Variants in BTBD10 observed in about 807,000 individuals in gnomAD.
BTBD10 encodes the protein BTB domain containing 10.
BTBD10 carries 21 observed loss-of-function variants against 53.2 expected under a neutral mutation model. That is an observed-to-expected ratio of 0.39 (90% confidence interval 0.28 to 0.57). BTBD10 has a LOEUF of 0.57. BTBD10 is among the 20% of genes least tolerant of loss of function. The pLI is 0.53. For synonymous variants in BTBD10, 149 were observed against 192.7 expected (o/e 0.77, Z 1.88); for missense variants, 360 against 594.7 (o/e 0.61, Z 4.10).
chr11:13,412,969 CCAAT>C (rs1157598753), intron 6 of BTBD10, among the ~76,000 whole-genome samples: 4 of 152,076 alleles, frequency 2.6e-5, no homozygotes, highest in Non-Finnish European at 4.4e-5. Context: ...GAGAAGAATA[CCAAT>C]CAAAGAGTTG....
intron 6 of BTBD10, 21 bp from the exon 7 acceptor site, chr11:13,405,877 A>G (rs767205028): frequency 1.9e-6 from 3 of 1,607,956 alleles, no homozygotes; most frequent in South Asian, 1.1e-5. Context: ...ATCCACAAAA[A>G]TATCTTACCA....
At chr11:13,445,782 C>T (rs570329008) in intron 1 of BTBD10, among the ~76,000 whole-genome samples, 1 of 152,270 alleles carries the variant, frequency 6.6e-6, no homozygotes, top group Non-Finnish European at 1.5e-5. Context: ...TGCCTTTTCA[C>T]ATGTGAGGCT....
chr11:13,390,502 C>A (rs1010942838), intron 8 of BTBD10, among the ~76,000 whole-genome samples: 10 of 152,068 alleles, frequency 6.6e-5, no homozygotes, highest in Non-Finnish European at 1.5e-4. Context: ...TGCCACCACA[C>A]CTGGCTAATT....
intron 8 of BTBD10, among the ~76,000 whole-genome samples, chr11:13,396,586 T>G (rs1057061436): frequency 6.6e-6 from 1 of 152,094 alleles, no homozygotes; most frequent in Non-Finnish European, 1.5e-5. Context: ...TGGTGAATAG[T>G]TGTGGTGAGA....
intron 2 of BTBD10, among the ~76,000 whole-genome samples, chr11:13,436,185 C>A (rs955105080): frequency 2.0e-5 from 3 of 152,202 alleles, no homozygotes; most frequent in Non-Finnish European, 4.4e-5. Flanking sequence ...TTAAAAGTTT[C>A]ATTCTAGCCT....
intron 4 of BTBD10, among the ~76,000 whole-genome samples, chr11:13,418,337 A>C (rs533635875): frequency 2.4e-4 from 37 of 152,264 alleles, no homozygotes; most frequent in Non-Finnish European, 5.0e-4. Flanking sequence ...GTCATCATTT[A>C]AACTTTTTAC....
Position 13,405,753 on chromosome 11 carries a change from C to A in BTBD10, c.912G>T (p.Gly304=), listed in dbSNP as rs200389754. 407 of 1,613,782 alleles carry A rather than the reference C, an allele frequency of 2.5e-4. 3 individuals are homozygous for A. The East Asian group carries it at 6.5e-3, about 26-fold the overall frequency. The stretch of plus-strand genomic sequence containing the variant: ...GCACCACTATATGACATTCCCGTTC[C>A]CCACTCTGGGCACTAGCTACCATGA... ...LPLMVASAQS[G]ERECHIVVLT... is the part of the protein sequence containing the mutation. The change falls in exon 7 of 9, where the codon GGG becomes GGT. Residue 304 remains glycine (G), a synonymous_variant. Coordinates refer to ENST00000278174, the MANE Select transcript of BTBD10 (RefSeq NM_032320.7).
chr11:13,461,949 T>TA (rs1555035367), intron 1 of BTBD10, among the ~76,000 whole-genome samples: 153 of 151,016 alleles, frequency 1.0e-3, no homozygotes, highest in African/African-American at 3.4e-3. Flanking sequence ...TTTTTTTTTT[T>TA]ACCAGTCTTG....
chr11:13,403,169 T>C lies in BTBD10; in HGVS notation c.1116A>G (p.Glu372=). ...TAGAAAATAATGAAAATGTCTTACC[T>C]TCTATTCCCAATCTAATCTTCTTAA... ...RGLKKIRLGI[E]GYPTYKEKVK... is the part of the protein sequence containing the mutation. Residue 372 remains glutamate (E), a splice_region_variant and synonymous_variant, in exon 8 of 9, where the codon GAA becomes GAG. Coordinates refer to ENST00000278174, the MANE Select transcript of BTBD10 (RefSeq NM_032320.7). 1 of 1,484,422 alleles carries C rather than the reference T, an allele frequency of 6.7e-7. No individual in the cohort carries two copies. The highest frequency in any genetic ancestry group is 9.1e-7 in the Non-Finnish European group (1 of 1,101,068). 92.0% of individuals were successfully genotyped at this position (1,484,422 alleles called of 1,614,324 possible).
chr11:13,399,567 C>T lies in BTBD10; in HGVS notation c.1117+3601G>A, dbSNP rs1591095585. 2.6e-5 allele frequency among the ~76,000 whole-genome samples: 4 copies of T among 152,208 alleles called. 1 individual carries two copies. The South Asian group carries it at 8.3e-4, about 32-fold the overall frequency. ...CAACTCGTCAAAGTCATTCTCCATT[C>T]AGCTTTGTTCCGTTGCTGGTGAGGA... is the stretch of plus-strand genomic sequence containing the variant. On this transcript the variant is annotated intron_variant, in intron 8 of 8. Coordinates refer to ENST00000278174, the MANE Select transcript of BTBD10 (RefSeq NM_032320.7).
At chr11:13,416,658 T>A (rs977352469) in intron 5 of BTBD10, among the ~76,000 whole-genome samples, 2 of 152,144 alleles carry the variant, frequency 1.3e-5, no homozygotes, top group African/African-American at 4.8e-5. Context: ...CATTTGCTTA[T>A]ATTGTATTAT....
At chr11:13,429,200 T>C (rs1017605241) in intron 2 of BTBD10, among the ~76,000 whole-genome samples, 10 of 152,250 alleles carry the variant, frequency 6.6e-5, no homozygotes, top group Admixed American at 5.9e-4. Context: ...CTACCGTCTT[T>C]ACAAGTCAAT....
chr11:13,414,666 A>G (rs1242017292), intron 5 of BTBD10, among the ~76,000 whole-genome samples: 2 of 150,410 alleles, frequency 1.3e-5, no homozygotes, highest in East Asian at 3.9e-4. Flanking sequence ...AATAAAAATA[A>G]TAAAAAAAAA....
At chr11:13,431,730 A>G (rs1343456590) in intron 2 of BTBD10, among the ~76,000 whole-genome samples, 3 of 152,124 alleles carry the variant, frequency 2.0e-5, no homozygotes, top group African/African-American at 7.2e-5. Context: ...CAAACTTTAG[A>G]ATGCAAATCT....
At chr11:13,405,050 G>C (rs1949789188) in intron 7 of BTBD10, among the ~76,000 whole-genome samples, 2 of 151,734 alleles carry the variant, frequency 1.3e-5, no homozygotes, top group African/African-American at 4.8e-5. Context: ...CTAATATTGG[G>C]CTCATCAAGA....
At chr11:13,389,969 C>T (rs1949364545) in intron 8 of BTBD10, among the ~76,000 whole-genome samples, 1 of 152,140 alleles carries the variant, frequency 6.6e-6, no homozygotes. Flanking sequence ...CTACTCCCAA[C>T]AACCAAGCAT....
At chr11:13,425,712 G>C (rs1950324215) in intron 2 of BTBD10, among the ~76,000 whole-genome samples, 3 of 152,036 alleles carry the variant, frequency 2.0e-5, no homozygotes, top group Admixed American at 1.3e-4. Context: ...TTACCAAATG[G>C]TTAGAAGAGA....
chr11:13,392,280 T>C (rs1591082556), intron 8 of BTBD10, among the ~76,000 whole-genome samples: 1 of 152,148 alleles, frequency 6.6e-6, no homozygotes. Context: ...TTAATCTTCA[T>C]GGATGAGCAA....
chr11:13,447,119 CTCTTCTTTTCTT>C (rs1052354924), intron 1 of BTBD10, among the ~76,000 whole-genome samples: 9 of 152,130 alleles, frequency 5.9e-5, no homozygotes, highest in East Asian at 5.8e-4. Flanking sequence ...ACCTTTCTTT[CTCTTCTTTTCTT>C]TCTTCTTTCT....
Sources: allele counts gnomAD v4.1 joint callset (sites outside exome capture counted in the v4.1 genomes callset), GRCh38; gene constraint gnomAD v4.1.1; transcripts MANE v1.5; gene names NCBI Gene and HGNC (gene_info 2026-07-23, HGNC 2026-07-21).